The following TENM3 variants were observed in gnomAD, a reference collection of about 807,000 sequenced individuals.
The protein encoded by TENM3 is teneurin transmembrane protein 3.
In TENM3, 63 loss-of-function variants were observed where a neutral mutation model predicts 255.1. That is an observed-to-expected ratio of 0.25 (90% CI 0.20 to 0.30). TENM3 has a LOEUF of 0.30. TENM3 is among the 10% of genes least tolerant of loss of function. The pLI is 1.00. For missense variants in TENM3, 2,929 were observed against 3,461.1 expected (o/e 0.85, Z 3.86); for synonymous variants, 1,306 against 1,322.3 (o/e 0.99, Z 0.27).
the TENM3 span, among the ~76,000 whole-genome samples, chr4:181,527,397 C>T: frequency 1.3e-5 from 2 of 151,950 alleles, no homozygotes; most frequent in Non-Finnish European, 2.9e-5. Context: ...GAGACAGAGT[C>T]TCGCTTTGTC....
the TENM3 span, among the ~76,000 whole-genome samples, chr4:181,986,163 C>A: frequency 6.6e-6 from 1 of 152,084 alleles, no homozygotes; most frequent in Non-Finnish European, 1.5e-5. Context: ...CTCTACCAGC[C>A]TCTTATTTCA....
chr4:182,466,351 A>T (rs1316932484), intron 3 of TENM3, among the ~76,000 whole-genome samples: 1 of 152,140 alleles, frequency 6.6e-6, no homozygotes, highest in Non-Finnish European at 1.5e-5. Flanking sequence ...GGTTGCCCAG[A>T]CATTCTTTGG....
chr4:181,579,229 T>A, the TENM3 span, among the ~76,000 whole-genome samples: 1 of 152,004 alleles, frequency 6.6e-6, no homozygotes, highest in African/African-American at 2.4e-5. Context: ...CACCCCACTG[T>A]GACCGCCCAC....
At chr4:182,276,189 T>TA (rs1389575832) in intron 1 of TENM3, among the ~76,000 whole-genome samples, 2 of 152,104 alleles carry the variant, frequency 1.3e-5, no homozygotes, top group Non-Finnish European at 2.9e-5. Flanking sequence ...GGAACAGAAA[T>TA]ATCAGTAACA....
At chr4:182,513,948 A>C (rs973858193) in intron 3 of TENM3, among the ~76,000 whole-genome samples, 1 of 152,262 alleles carries the variant, frequency 6.6e-6, no homozygotes, top group African/African-American at 2.4e-5. Flanking sequence ...TACCAATCCT[A>C]ATGCTTTTTA....
At chr4:181,801,269 C>G in the TENM3 span, among the ~76,000 whole-genome samples, 1 of 152,122 alleles carries the variant, frequency 6.6e-6, no homozygotes, top group Admixed American at 6.6e-5. Context: ...CTCTAAGACT[C>G]TTTACACGTC....
the TENM3 span, among the ~76,000 whole-genome samples, chr4:181,536,847 T>G: frequency 6.6e-6 from 1 of 152,188 alleles, no homozygotes; most frequent in Non-Finnish European, 1.5e-5. Context: ...AGGCAGTGTT[T>G]CCTGAAAGTG....
At chr4:181,594,534 T>C in the TENM3 span, among the ~76,000 whole-genome samples, 3 of 152,142 alleles carry the variant, frequency 2.0e-5, no homozygotes, top group Non-Finnish European at 4.4e-5. Flanking sequence ...CAAGACTCCA[T>C]TTCTGGGTTG....
At chr4:182,045,857 G>A in the TENM3 span, among the ~76,000 whole-genome samples, 16 of 152,010 alleles carry the variant, frequency 1.1e-4, no homozygotes, top group African/African-American at 2.9e-4. Flanking sequence ...GAGACCATCC[G>A]GGTTATAGAG....
chr4:181,676,756 A>G, the TENM3 span, among the ~76,000 whole-genome samples: 2 of 152,178 alleles, frequency 1.3e-5, no homozygotes. Flanking sequence ...TTAGTCACAG[A>G]TAATGGAGCC....
intron 3 of TENM3, among the ~76,000 whole-genome samples, chr4:182,477,038 A>G (rs758957142): frequency 3.9e-5 from 6 of 152,178 alleles, no homozygotes; most frequent in Non-Finnish European, 7.3e-5. Context: ...TTTCCGTGAG[A>G]TATTTTTACT....
the TENM3 span, among the ~76,000 whole-genome samples, chr4:182,029,700 T>C: frequency 6.6e-6 from 1 of 152,206 alleles, no homozygotes; most frequent in Non-Finnish European, 1.5e-5. Context: ...TTAATATAAC[T>C]AGGAGATAGA....
the TENM3 span, among the ~76,000 whole-genome samples, chr4:182,118,433 T>G: frequency 6.6e-6 from 1 of 152,024 alleles, no homozygotes; most frequent in Non-Finnish European, 1.5e-5. Context: ...TTTTGTAGAT[T>G]TTTAAATTTT....
chr4:182,238,943 A>G (rs550366476), upstream of TENM3, among the ~76,000 whole-genome samples: 16 of 152,128 alleles, frequency 1.1e-4, no homozygotes, highest in African/African-American at 3.4e-4. Flanking sequence ...CTGATATTAT[A>G]ATTTTTGAAC....
At chr4:182,485,100 C>G (rs1734573304) in intron 3 of TENM3, among the ~76,000 whole-genome samples, 1 of 152,084 alleles carries the variant, frequency 6.6e-6, no homozygotes, top group African/African-American at 2.4e-5. Context: ...ATGTTCCTTG[C>G]AGGCACTGAA....
chr4:181,780,189 C>T, the TENM3 span, among the ~76,000 whole-genome samples: 3 of 152,192 alleles, frequency 2.0e-5, no homozygotes, highest in African/African-American at 7.2e-5. Flanking sequence ...ATTTCTAGTT[C>T]TAGATCCTTG....
chr4:181,854,264 G>A, the TENM3 span, among the ~76,000 whole-genome samples: 3 of 152,112 alleles, frequency 2.0e-5, no homozygotes, highest in African/African-American at 7.2e-5. Context: ...ACAGCTCTTG[G>A]TAGCTAACTT....
At chr4:182,094,953 AAAAG>A in the TENM3 span, among the ~76,000 whole-genome samples, 8 of 142,064 alleles carry the variant, frequency 5.6e-5, no homozygotes, top group Non-Finnish European at 4.7e-5. Context: ...AAAAAAAAAA[AAAAG>A]GAAATTTTTA....
chr4:181,801,704 A>G, the TENM3 span, among the ~76,000 whole-genome samples: 2 of 130,690 alleles, frequency 1.5e-5, no homozygotes, highest in Non-Finnish European at 3.3e-5. Context: ...ATATGCAACA[A>G]TGACCATATA....
Sources: allele counts gnomAD v4.1 joint callset (sites outside exome capture counted in the v4.1 genomes callset), GRCh38; gene constraint gnomAD v4.1.1; transcripts MANE v1.5; gene names NCBI Gene and HGNC (gene_info 2026-07-23, HGNC 2026-07-21).